The following MYO3B variants were observed in gnomAD, a reference collection of about 807,000 sequenced individuals.
The protein encoded by MYO3B is myosin-IIIb.
In MYO3B, 156 loss-of-function variants were observed where a neutral mutation model predicts 174.6. The observed-to-expected ratio is 0.89, with a 90% CI of 0.78 to 1.02. MYO3B has a LOEUF of 1.02. MYO3B is among the 50% of genes least tolerant of loss of function. MYO3B has a pLI of 0.00. For missense variants in MYO3B, 1,632 were observed against 1,639.4 expected (o/e 1.00, Z 0.08); for synonymous variants, 563 against 569.1 (o/e 0.99, Z 0.15).
At chr2:170,236,188 G>T (rs773231294) in intron 7 of MYO3B, 52 bp downstream of exon 7, 1 of 1,605,188 alleles carries the variant, frequency 6.2e-7, no homozygotes, top group Non-Finnish European at 8.5e-7. Flanking sequence ...GAAAGCGTCT[G>T]GTTAGAGGGA....
intron 24 of MYO3B, 33 bp downstream of exon 24, chr2:170,463,478 C>T: frequency 6.3e-7 from 1 of 1,595,728 alleles, no homozygotes; most frequent in Non-Finnish European, 8.6e-7. Context: ...ATTCTGCCTG[C>T]TTCCAAAAAG....
At chr2:170,476,995 G>A (rs557135094) in intron 25 of MYO3B, among the ~76,000 whole-genome samples, 36 of 152,204 alleles carry the variant, frequency 2.4e-4, no homozygotes, top group African/African-American at 7.2e-4. Flanking sequence ...CTAAGGAACC[G>A]GATATGTCAG....
In MYO3B at chr2:170,401,189, G is replaced by A. The variant is rs572191508; in HGVS notation, c.1919-292G>A. Reference sequence around the variant, plus strand: ...GGCCTTTAATATATGAATGTATTTTGTGACTAAGGGTAGAATACAGTCTGC... The same window carrying A: ...GGCCTTTAATATATGAATGTATTTTATGACTAAGGGTAGAATACAGTCTGC... On this transcript the variant is annotated intron_variant, in intron 17 of 34. Coordinates refer to ENST00000408978, the MANE Select transcript of MYO3B (RefSeq NM_138995.5). Among the ~76,000 whole-genome samples, 8 of 152,264 alleles carry A rather than the reference G, an allele frequency of 5.3e-5. No individual in the cohort carries two copies. The East Asian group carries it at 1.5e-3, about 29-fold the overall frequency.
intron 30 of MYO3B, among the ~76,000 whole-genome samples, chr2:170,521,423 C>CA (rs1688661468): frequency 6.6e-6 from 1 of 152,188 alleles, no homozygotes; most frequent in Non-Finnish European, 1.5e-5. Context: ...GTCAGTGAAC[C>CA]AGTTTGGAAA....
At chr2:170,220,166 A>G (rs1210200195) in intron 6 of MYO3B, among the ~76,000 whole-genome samples, 3 of 151,746 alleles carry the variant, frequency 2.0e-5, no homozygotes, top group Admixed American at 2.0e-4. Flanking sequence ...GCTGAGCAAG[A>G]AGAATGGCGT....
At chr2:170,582,278 T>G (rs1358718971) in intron 32 of MYO3B, among the ~76,000 whole-genome samples, 3 of 152,102 alleles carry the variant, frequency 2.0e-5, no homozygotes, top group African/African-American at 7.2e-5. Flanking sequence ...GCAAATGAAG[T>G]TAGTGTAACA....
intron 26 of MYO3B, among the ~76,000 whole-genome samples, chr2:170,499,139 C>G (rs902821082): frequency 7.2e-5 from 11 of 152,186 alleles, no homozygotes; most frequent in Non-Finnish European, 1.5e-4. Context: ...AACGTCACGT[C>G]CCCATAGGAT....
At chr2:170,286,642 G>C (rs1487887539) in intron 7 of MYO3B, among the ~76,000 whole-genome samples, 1 of 152,082 alleles carries the variant, frequency 6.6e-6, no homozygotes, top group South Asian at 2.1e-4. Context: ...GAGTAATTTA[G>C]GAAGAATCAA....
At chr2:170,619,667 C>T (rs1695728112) in intron 32 of MYO3B, among the ~76,000 whole-genome samples, 1 of 147,400 alleles carries the variant, frequency 6.8e-6, no homozygotes, top group South Asian at 2.2e-4. Context: ...AGAGAAAGCA[C>T]ACAAGATAGA....
At chr2:170,394,014 T>C (rs566376429) in intron 16 of MYO3B, among the ~76,000 whole-genome samples, 1 of 152,270 alleles carries the variant, frequency 6.6e-6, no homozygotes, top group South Asian at 2.1e-4. Flanking sequence ...GTCACTTGTG[T>C]CATGCCAAAG....
chr2:170,556,182 C>T (rs1299439210), intron 32 of MYO3B, among the ~76,000 whole-genome samples: 3 of 149,714 alleles, frequency 2.0e-5, no homozygotes, highest in African/African-American at 7.5e-5. Flanking sequence ...GGCAACAGAC[C>T]AAGACTCTGT....
In MYO3B at chr2:170,564,566, T is replaced by A. The variant is rs549628936; in HGVS notation, c.3733+20578T>A. Among the ~76,000 whole-genome samples the A allele has an allele frequency of 1.2e-4, 19 of 152,300 alleles. 1 individual carries two copies. The South Asian group carries it at 3.9e-3, about 32-fold the overall frequency. ...AATAAAATGAAGTTATTTCTGGTAT[T>A]CCAGAAATAAGAGAAATGGAAAAGA... On this transcript the variant is annotated intron_variant, in intron 32 of 34. Transcript: ENST00000408978.
intron 32 of MYO3B, among the ~76,000 whole-genome samples, chr2:170,647,535 G>A (rs1371810623): frequency 3.3e-5 from 5 of 152,136 alleles, no homozygotes; most frequent in African/African-American, 1.2e-4. Context: ...GCACCTGGAA[G>A]TTACAGCATT....
At chr2:170,476,352 G>T (rs936612680) in intron 25 of MYO3B, among the ~76,000 whole-genome samples, 6 of 152,200 alleles carry the variant, frequency 3.9e-5, no homozygotes, top group Non-Finnish European at 8.8e-5. Flanking sequence ...TTTTCCCAAG[G>T]GTAGTGGGCC....
chr2:170,329,237 G>A (rs2093892992), intron 7 of MYO3B, among the ~76,000 whole-genome samples: 1 of 136,248 alleles, frequency 7.3e-6, no homozygotes, highest in African/African-American at 2.5e-5. Flanking sequence ...AACAGTGTGT[G>A]TGTGTGTGTG....
At chr2:170,390,623 C>T (rs558763509) in intron 14 of MYO3B, among the ~76,000 whole-genome samples, 47 of 152,216 alleles carry the variant, frequency 3.1e-4, no homozygotes, top group African/African-American at 1.0e-3. Flanking sequence ...AGAAGAAAGA[C>T]GATTTCTTTT....
intron 25 of MYO3B, among the ~76,000 whole-genome samples, chr2:170,485,414 CACACACAGAGAG>C (rs1439741772): frequency 5.8e-4 from 82 of 140,224 alleles, no homozygotes; most frequent in Middle Eastern, 3.5e-3. Flanking sequence ...CACACACACA[CACACACAGAGAG>C]AGAGAGAGAG....
At chr2:170,423,210 A>T (rs955858296) in intron 22 of MYO3B, among the ~76,000 whole-genome samples, 10 of 151,086 alleles carry the variant, frequency 6.6e-5, no homozygotes, top group African/African-American at 2.2e-4. Context: ...CTTGAACTCC[A>T]GACCTCAGGT....
At chr2:170,579,770 G>C (rs986617327) in intron 32 of MYO3B, among the ~76,000 whole-genome samples, 2 of 152,214 alleles carry the variant, frequency 1.3e-5, no homozygotes, top group Non-Finnish European at 2.9e-5. Context: ...ACTACCTCCA[G>C]AGCCTCCCAG....
Sources: gnomAD v4.1 joint callset for allele counts (sites outside exome capture counted in the v4.1 genomes callset) on GRCh38, gnomAD v4.1.1 for gene constraint, MANE v1.5 for transcripts, NCBI Gene and HGNC (gene_info 2026-07-23, HGNC 2026-07-21) for gene names.